Variants in SLC35E2B observed in about 807,000 individuals in gnomAD.
SLC35E2B encodes solute carrier family 35, member E2B.
A neutral mutation model predicts 32.4 loss-of-function variants in SLC35E2B; 18 were observed. The observed-to-expected ratio is 0.56, with a 90% confidence interval of 0.38 to 0.82. The LOEUF is 0.82. Among genes scored for constraint, SLC35E2B ranks in the 40% least tolerant of loss-of-function variants. The pLI is 0.00. For missense variants in SLC35E2B, 263 were observed against 469.5 expected, an observed-to-expected ratio of 0.56 and a Z score of 4.06; for synonymous variants, 132 against 209.1, an observed-to-expected ratio of 0.63 and a Z score of 3.18.
intron 2 of SLC35E2B, among the ~76,000 whole-genome samples, chr1:1,687,351 C>A (rs1042581930): frequency 5.3e-5 from 8 of 152,018 alleles, no homozygotes; most frequent in Non-Finnish European, 7.4e-5. Context: ...CTGAGGCAGG[C>A]GGATTACCCG....
At chr1:1,689,396 C>T (rs1053314646) in intron 2 of SLC35E2B, among the ~76,000 whole-genome samples, 2 of 151,684 alleles carry the variant, frequency 1.3e-5, no homozygotes, top group African/African-American at 4.8e-5. Flanking sequence ...CTCTGCACAG[C>T]GGTGAATCCC....
intron 5 of SLC35E2B, chr1:1,671,849 C>T: frequency 2.3e-6 from 1 of 428,562 alleles, no homozygotes; most frequent in South Asian, 3.2e-5. Context: ...TTTCACTCTA[C>T]ATGAGATGCG....
chr1:1,670,375 G>C (rs1420816968), intron 6 of SLC35E2B: 1 of 459,634 alleles, frequency 2.2e-6, no homozygotes, highest in African/African-American at 2.0e-5. Context: ...ACCCGCCTCA[G>C]CCTCCCAAAG....
chr1:1,685,569 T>C (rs1377609898), intron 2 of SLC35E2B, among the ~76,000 whole-genome samples: 1 of 152,036 alleles, frequency 6.6e-6, no homozygotes, highest in African/African-American at 2.4e-5. Context: ...ATATGTCGCT[T>C]GCTTAAAAAG....
chr1:1,689,363 G>C (rs1483691868), intron 2 of SLC35E2B, among the ~76,000 whole-genome samples: 1 of 151,792 alleles, frequency 6.6e-6, no homozygotes, highest in Non-Finnish European at 1.5e-5. Flanking sequence ...CCCTGACTGT[G>C]CTGCTGGAGG....
chr1:1,673,309 A>C (rs1383150372), intron 5 of SLC35E2B: 1 of 490,514 alleles, frequency 2.0e-6, no homozygotes, highest in Admixed American at 2.2e-5. Context: ...ATGAACTCGG[A>C]CCTCAAGGCC....
In SLC35E2B at chr1:1,665,696, C is replaced by A. The variant is rs529520031; in HGVS notation, c.*86G>T. 40 of 1,504,984 alleles carry A rather than the reference C, an allele frequency of 2.7e-5. No homozygotes were observed. The African/African-American group carries it at 5.1e-4, about 19-fold the overall frequency. 93.2% of individuals were successfully genotyped at this position (1,504,984 alleles called of 1,614,324 possible). On this transcript the variant is annotated 3_prime_UTR_variant, in exon 10 of 10. Coordinates refer to ENST00000617444, the MANE Select transcript of SLC35E2B (RefSeq NM_001290264.2). ...ACTTAGCTCCCCATGTCCTGCACCC[C>A]AGCAGGGCCATGGAGGAGGGCGTCC...
At position 1,675,415 on chromosome 1, in the gene SLC35E2B, C is replaced by T. The variant is rs373532361; in HGVS notation, c.586+48G>A. On this transcript the variant is annotated intron_variant, in intron 5 of 9. Transcript: ENST00000617444. ...CAGAGACGGGCACCACGGATGGAGG[C>T]CTGGGATGGTGGGGCGCAGGCGGAG... 611 of 1,599,862 alleles carry T rather than the reference C, an allele frequency of 3.8e-4. 5 individuals carry two copies. In the East Asian group the frequency reaches 0.012, roughly 31 times the overall value.
chr1:1,671,744 A>T, intron 5 of SLC35E2B, 115 bp from the exon 6 acceptor site: 1 of 1,103,188 alleles, frequency 9.1e-7, no homozygotes, highest in Non-Finnish European at 1.2e-6. Flanking sequence ...CTTCAATTCA[A>T]AAACAATACT....
intron 2 of SLC35E2B, among the ~76,000 whole-genome samples, chr1:1,682,534 C>G (rs540353159): frequency 6.6e-6 from 1 of 152,098 alleles, no homozygotes; most frequent in Non-Finnish European, 1.5e-5. Context: ...CAGACAGAAA[C>G]GCACGACTCG....
rs150629694 is a variant in SLC35E2B at position 1,688,282 on chromosome 1, G to A, written c.-148+2694C>T. Among the ~76,000 whole-genome samples the A allele has an allele frequency of 6.2e-4, 95 of 152,180 alleles. 1 individual carries two copies. The highest frequency in any genetic ancestry group is 2.2e-3 in the African/African-American group (91 of 41,504). On this transcript the variant is annotated intron_variant, in intron 2 of 9. Coordinates refer to ENST00000617444, the MANE Select transcript of SLC35E2B (RefSeq NM_001290264.2). ...TCACGATCATCATCACAATCACGAC[G>A]AGTCACCAAGAGACTAAAACTACTG...
rs1351459488 is a variant in SLC35E2B at position 1,662,352 on chromosome 1, A to G, written c.*3430T>C. ...ACAGTGAAATACTTCCAGGCCTTCG[A>G]AAGGCCATCCTTTGGACACATGTAA... On this transcript the variant is annotated 3_prime_UTR_variant, in exon 10 of 10. Transcript: ENST00000617444. The G allele has an allele frequency of 1.1e-6, 1 of 870,470 alleles. No homozygotes were observed. Among genetic ancestry groups the G allele is most frequent in the East Asian group, 1.2e-4 (1 of 8,374 alleles). The allele number at this position is 870,470 out of a possible 1,614,324, so 53.9% of individuals were successfully genotyped here. A position where few individuals can be genotyped will look rare whatever the true frequency, so the allele number is the denominator to read the frequency against.
At position 1,688,758 on chromosome 1, in the gene SLC35E2B, G is replaced by A. The variant is rs555290645; in HGVS notation, c.-148+2218C>T. ...CGCACGATGAGTAGAAGACAAACAC[G>A]TCCTGCAAGGAGACGGAGGCGCAGG... On this transcript the variant is annotated intron_variant, in intron 2 of 9. Coordinates refer to ENST00000617444, the MANE Select transcript of SLC35E2B (RefSeq NM_001290264.2). 2.4e-4 allele frequency among the ~76,000 whole-genome samples: 36 copies of A among 152,068 alleles called. 1 individual carries two copies. Among genetic ancestry groups the A allele is most frequent in the African/African-American group, 7.7e-4 (32 of 41,336 alleles).
At chr1:1,672,650 A>G (rs1219018138) in intron 5 of SLC35E2B, 1 of 152,280 alleles carries the variant, frequency 6.6e-6, no homozygotes, top group Non-Finnish European at 1.5e-5. Flanking sequence ...ATCCAGCACC[A>G]GATTCCTATC....
At chr1:1,686,441 G>A (rs1243638048) in intron 2 of SLC35E2B, among the ~76,000 whole-genome samples, 1 of 150,324 alleles carries the variant, frequency 6.7e-6, no homozygotes, top group Non-Finnish European at 1.5e-5. Context: ...ATGCAAACAC[G>A]AAAGGAAGTC....
At chr1:1,669,364 A>T (rs547663371) in intron 8 of SLC35E2B, among the ~76,000 whole-genome samples, 12 of 148,682 alleles carry the variant, frequency 8.1e-5, no homozygotes, top group South Asian at 4.3e-4. Context: ...TTATAAAAAT[A>T]AAAAAAAAAA....
At chr1:1,670,381 C>G (rs992157033) in intron 6 of SLC35E2B, 17 of 458,190 alleles carry the variant, frequency 3.7e-5, no homozygotes, top group African/African-American at 3.2e-4. Flanking sequence ...CTCAGCCTCC[C>G]AAAGTGCTGG....
At chr1:1,668,514 C>G in intron 8 of SLC35E2B, 42 bp from the exon 9 acceptor site, 2 of 1,614,100 alleles carry the variant, frequency 1.2e-6, no homozygotes, top group Non-Finnish European at 1.7e-6. Flanking sequence ...TTTCCATTTT[C>G]CATTTACTAA....
At chr1:1,683,158 C>T (rs1643914488) in intron 2 of SLC35E2B, among the ~76,000 whole-genome samples, 4 of 152,188 alleles carry the variant, frequency 2.6e-5, no homozygotes. Flanking sequence ...CCACACAACA[C>T]TTCCCACAGG....
Sources: gnomAD v4.1 joint callset for allele counts (sites outside exome capture counted in the v4.1 genomes callset) on GRCh38, gnomAD v4.1.1 for gene constraint, MANE v1.5 for transcripts, NCBI Gene and HGNC (gene_info 2026-07-23, HGNC 2026-07-21) for gene names.